CASZ1: variants seen among roughly 807,000 people sequenced by gnomAD.
CASZ1 encodes castor zinc finger 1, also known as zinc finger protein castor homolog 1.
In CASZ1, 28 loss-of-function variants were observed where a neutral mutation model predicts 135.2. The observed-to-expected ratio is 0.21, with a 90% confidence interval of 0.15 to 0.28. CASZ1 has a LOEUF of 0.28. Ranked by LOEUF, CASZ1 falls within the 10% of genes least tolerant of loss-of-function variation. The pLI, the probability that CASZ1 is intolerant of heterozygous loss-of-function variation, is 1.00. For missense variants in CASZ1, 2,161 were observed against 2,453.3 expected (o/e 0.88, Z 2.52); for synonymous variants, 1,068 against 1,073.4 (o/e 0.99, Z 0.10).
At chr1:10,793,133 G>A (rs2100638873) in intron 1 of CASZ1, among the ~76,000 whole-genome samples, 1 of 151,642 alleles carries the variant, frequency 6.6e-6, no homozygotes, top group East Asian at 1.9e-4. Context: ...AAGGGGAGCA[G>A]ATATAAAAGG....
At chr1:10,708,284 A>C (rs888571591) in intron 2 of CASZ1, among the ~76,000 whole-genome samples, 1 of 152,228 alleles carries the variant, frequency 6.6e-6, no homozygotes, top group Non-Finnish European at 1.5e-5. Context: ...CCCCAGAGGC[A>C]TCAGGCTGCC....
chr1:10,728,426 C>T (rs1013000474), intron 2 of CASZ1, among the ~76,000 whole-genome samples: 1 of 152,150 alleles, frequency 6.6e-6, no homozygotes, highest in African/African-American at 2.4e-5. Context: ...TGAAAATGAA[C>T]GTCCTTCCCC....
rs1343797436 is a variant in CASZ1 at position 10,679,321 on chromosome 1, C to T, written c.17-13750G>A. On this transcript the variant is annotated intron_variant, in intron 4 of 20. Coordinates refer to ENST00000377022, the MANE Select transcript of CASZ1 (RefSeq NM_001079843.3). The surrounding 1 kb of genome is among the most constrained non-coding windows in gnomAD (Gnocchi z 4.7). The stretch of plus-strand genomic sequence containing the variant: ...CCTGGGCCATCTGCACCACATGCCC[C>T]AGGAAGCGGTCCCTCTCCCAGCAGG... 1.3e-5 allele frequency among the ~76,000 whole-genome samples: 2 copies of T among 152,196 alleles called. No individual in the cohort carries two copies. Among genetic ancestry groups the T allele is most frequent in the African/African-American group, 2.4e-5 (1 of 41,444 alleles).
rs901099400 is a variant in CASZ1, at chr1:10,639,611, G to A, written c.4611C>T (p.His1537=). 3.7e-6 allele frequency: 6 copies of A among 1,610,940 alleles called. No homozygotes were observed. Among genetic ancestry groups the A allele is most frequent in the Non-Finnish European group, 5.1e-6 (6 of 1,179,716 alleles). The change falls in exon 21 of 21, where the codon CAC becomes CAT. Residue 1537 remains histidine (H), a synonymous_variant. Transcript: ENST00000377022. The surrounding 1 kb of genome is among the most constrained non-coding windows in gnomAD (Gnocchi z 4.0). ...STKVTAHRKH[H]GKQDVISAAG... ...CGGCGCTGATCACGTCCTGTTTGCCGTGGTGCTTGCGATGCGCCGTGACCT... is the reference window on the plus strand; with the variant it reads ...CGGCGCTGATCACGTCCTGTTTGCCATGGTGCTTGCGATGCGCCGTGACCT...
At chr1:10,782,553 G>C (rs1036797883) in intron 1 of CASZ1, among the ~76,000 whole-genome samples, 1 of 152,246 alleles carries the variant, frequency 6.6e-6, no homozygotes, top group Non-Finnish European at 1.5e-5. Context: ...TGAGCGGCAG[G>C]TCCCATAAAA....
rs994987997 is a variant in CASZ1 at position 10,726,632 on chromosome 1, C to T, written c.-76-21088G>A. ...TTACTAGGCCCTGGCGCTGTGCGGC[C>T]CCTGCCTGGGTGCGGTGCCAGCTCA... On this transcript the variant is annotated intron_variant, in intron 2 of 20. Coordinates refer to ENST00000377022, the MANE Select transcript of CASZ1 (RefSeq NM_001079843.3). This position sits in a 1 kb window ranked among gnomAD's most constrained non-coding sequence, Gnocchi z 5.7. Among the ~76,000 whole-genome samples, 13 of 152,232 alleles carry T rather than the reference C, an allele frequency of 8.5e-5. No homozygotes were observed. The highest frequency in any genetic ancestry group is 2.7e-4 in the African/African-American group (11 of 41,464).
In CASZ1 at chr1:10,720,789, G is replaced by A. The variant is rs904358456; in HGVS notation, c.-76-15245C>T. On this transcript the variant is annotated intron_variant, in intron 2 of 20. Coordinates refer to ENST00000377022, the MANE Select transcript of CASZ1 (RefSeq NM_001079843.3). This position sits in a 1 kb window ranked among gnomAD's most constrained non-coding sequence, Gnocchi z 5.7. ...AGAGAGTGGGGAGGAAGTGGACGCC[G>A]GTGGGTGAGCTGAGGGAGGGTGAGT... is the stretch of plus-strand genomic sequence containing the variant. Among the ~76,000 whole-genome samples the A allele has an allele frequency of 4.6e-5, 7 of 152,138 alleles. No individual in the cohort carries two copies. Among genetic ancestry groups the A allele is most frequent in the Admixed American group, 2.6e-4 (4 of 15,284 alleles).
chr1:10,752,278 G>T (rs1472410103), intron 2 of CASZ1, among the ~76,000 whole-genome samples: 1 of 152,202 alleles, frequency 6.6e-6, no homozygotes, highest in East Asian at 1.9e-4. Flanking sequence ...CTCTCCCTGG[G>T]CTCAGAACAG....
chr1:10,659,655 T>C, intron 6 of CASZ1, 47 bp downstream of exon 6: 1 of 1,491,478 alleles, frequency 6.7e-7, no homozygotes, highest in Non-Finnish European at 9.3e-7. Context: ...GCCTCCTGTC[T>C]AGTCTGGCTC....
rs768118953 is a variant in CASZ1 at position 10,640,051 on chromosome 1, T to C, written c.4171A>G (p.Ile1391Val). The part of the protein sequence containing the change: ...GNESTAAGNT[I>V]SMPTASGAKK... ...GCCCCCGAGGCTGTCGGCATAGAGA[T>C]GGTGTTCCCTGGGGAGGGGCAGGGA... The change falls in exon 21 of 21, where the codon ATC (isoleucine) becomes GTC (valine). Residue 1391 changes from isoleucine to valine, a missense_variant. Ile to Val is a conservative substitution (Grantham distance 29). This residue lies in a region of CASZ1 where 143 missense variants were observed against 128.3 expected (regional missense o/e 1.11). Transcript: ENST00000377022. 1.7e-5 allele frequency: 27 copies of C among 1,605,356 alleles called. No homozygotes were observed. Among genetic ancestry groups the C allele is most frequent in the Admixed American group, 1.5e-4 (9 of 59,964 alleles).
intron 3 of CASZ1, among the ~76,000 whole-genome samples, chr1:10,698,550 G>GAA (rs33911603): frequency 2.0e-5 from 3 of 151,462 alleles, no homozygotes; most frequent in East Asian, 1.9e-4. Flanking sequence ...ATATTTCAGA[G>GAA]AAAAAGAAAG....
At chr1:10,793,229 C>T (rs1315235522) in intron 1 of CASZ1, among the ~76,000 whole-genome samples, 1 of 138,680 alleles carries the variant, frequency 7.2e-6, no homozygotes, top group African/African-American at 2.8e-5. Context: ...AAGAATTTTG[C>T]TCTTATATGA....
At chr1:10,710,583 G>T (rs1456445450) in intron 2 of CASZ1, among the ~76,000 whole-genome samples, 1 of 152,238 alleles carries the variant, frequency 6.6e-6, no homozygotes, top group Non-Finnish European at 1.5e-5. Flanking sequence ...GGTGCTGGGA[G>T]GGTGCTTAGC....
rs369071255 is a variant in CASZ1, at chr1:10,646,314, G to A, written c.3510C>T (p.Leu1170=). The A allele has an allele frequency of 8.1e-6, 13 of 1,613,866 alleles. No homozygotes were observed. Among genetic ancestry groups the A allele is most frequent in the South Asian group, 5.5e-5 (5 of 91,062 alleles). Residue 1170 remains leucine (L), a synonymous_variant, in exon 17 of 21, where the codon CTC becomes CTT. Coordinates refer to ENST00000377022, the MANE Select transcript of CASZ1 (RefSeq NM_001079843.3). The surrounding 1 kb of genome is among the most constrained non-coding windows in gnomAD (Gnocchi z 6.4). The part of the protein sequence containing the change: ...FLQFQENDPC[L]ATDCKYANKF... ...TGTTGGCGTACTTGCAGTCCGTGGCGAGGCAAGGATCGCTGGAAGGAAACC... is the reference window on the plus strand; with the variant it reads ...TGTTGGCGTACTTGCAGTCCGTGGCAAGGCAAGGATCGCTGGAAGGAAACC...
chr1:10,683,342 G>A (rs1638486826), intron 4 of CASZ1, among the ~76,000 whole-genome samples: 1 of 152,078 alleles, frequency 6.6e-6, no homozygotes, highest in Admixed American at 6.6e-5. Flanking sequence ...CAAAGACCTG[G>A]GCAAACTCAA....
At chr1:10,752,113 T>C (rs1640161305) in intron 2 of CASZ1, among the ~76,000 whole-genome samples, 1 of 152,156 alleles carries the variant, frequency 6.6e-6, no homozygotes, top group Non-Finnish European at 1.5e-5. Context: ...GGCTGCCCAG[T>C]TGGGGTGGGC....
Position 10,759,817 on chromosome 1 carries a change from G to A in CASZ1, c.-77+884C>T, listed in dbSNP as rs569151629. On this transcript the variant is annotated intron_variant, in intron 2 of 20. Coordinates refer to ENST00000377022, the MANE Select transcript of CASZ1 (RefSeq NM_001079843.3). This position sits in a 1 kb window ranked among gnomAD's most constrained non-coding sequence, Gnocchi z 4.2. ...GGCACACATAGGAAGAGCAGCCCCC[G>A]GCCCTGCCCTCCCCAGACATCCTCT... is the stretch of plus-strand genomic sequence containing the variant. Among the ~76,000 whole-genome samples, 1 of 152,016 alleles carries A rather than the reference G, an allele frequency of 6.6e-6. No individual in the cohort carries two copies. The highest frequency in any genetic ancestry group is 2.1e-4 in the South Asian group (1 of 4,816).
At chr1:10,789,847 C>T (rs1640923778) in intron 1 of CASZ1, among the ~76,000 whole-genome samples, 1 of 152,218 alleles carries the variant, frequency 6.6e-6, no homozygotes, top group African/African-American at 2.4e-5. Flanking sequence ...GCCCAGCTTG[C>T]CTGCAAAACC....
Position 10,694,451 on chromosome 1 carries a change from G to C in CASZ1, c.-23-539C>G, listed in dbSNP as rs1275503325. ...CCGGTAACACTCAGGGTAACAGTTT[G>C]GCAGGAGGGAGCGGGCGGGCGGGCG... is the stretch of plus-strand genomic sequence containing the variant. On this transcript the variant is annotated intron_variant, in intron 3 of 20. Coordinates refer to ENST00000377022, the MANE Select transcript of CASZ1 (RefSeq NM_001079843.3). This position sits in a 1 kb window ranked among gnomAD's most constrained non-coding sequence, Gnocchi z 6.6. The C allele has an allele frequency of 9.6e-6, 3 of 312,280 alleles. No individual in the cohort carries two copies. The highest frequency in any genetic ancestry group is 5.7e-5 in the Admixed American group (1 of 17,416). 19.3% of individuals were successfully genotyped at this position (312,280 alleles called of 1,614,324 possible). A position where few individuals can be genotyped will look rare whatever the true frequency, so the allele number is the denominator to read the frequency against.
Sources: gnomAD v4.1 joint callset for allele counts (sites outside exome capture counted in the v4.1 genomes callset) on GRCh38, gnomAD v4.1.1 for gene constraint, gnomAD v4.1.1 regional missense constraint, Gnocchi (gnomAD v3.1) non-coding constraint, MANE v1.5 for transcripts, NCBI Gene and HGNC (gene_info 2026-07-23, HGNC 2026-07-21) for gene names.